The following TRAPPC9 variants were observed in gnomAD, a reference collection of about 807,000 sequenced individuals.
TRAPPC9 encodes trafficking protein particle complex subunit 9.
In TRAPPC9, 83 loss-of-function variants were observed where a neutral mutation model predicts 124.0. The observed-to-expected ratio is 0.67, with a 90% confidence interval of 0.56 to 0.80. The LOEUF (loss-of-function observed/expected upper bound fraction) is 0.80. Among genes scored for constraint, TRAPPC9 ranks in the 30% least tolerant of loss-of-function variants. The pLI, the probability that TRAPPC9 is intolerant of heterozygous loss-of-function variation, is 0.00. For synonymous variants in TRAPPC9, 638 were observed against 617.5 expected (o/e 1.03, Z -0.49); for missense variants, 1,302 against 1,508.3 (o/e 0.86, Z 2.27).
intron 18 of TRAPPC9, among the ~76,000 whole-genome samples, chr8:140,023,636 G>C (rs1839945655): frequency 6.6e-6 from 1 of 152,202 alleles, no homozygotes; most frequent in Non-Finnish European, 1.5e-5. Context: ...GCCAGGCCAG[G>C]CTGGGCGGGA....
At chr8:139,764,562 G>T (rs1200345149) in intron 21 of TRAPPC9, among the ~76,000 whole-genome samples, 1 of 152,168 alleles carries the variant, frequency 6.6e-6, no homozygotes, top group Non-Finnish European at 1.5e-5. Flanking sequence ...GTGAGACACG[G>T]GTTCAGCTGA....
chr8:139,793,993 G>C (rs1047375528), intron 21 of TRAPPC9, among the ~76,000 whole-genome samples: 1 of 151,964 alleles, frequency 6.6e-6, no homozygotes, highest in East Asian at 1.9e-4. Context: ...GCATGCTTGG[G>C]GCTTCAGCCA....
At chr8:140,189,549 A>G (rs1461943654) in intron 17 of TRAPPC9, among the ~76,000 whole-genome samples, 1 of 152,216 alleles carries the variant, frequency 6.6e-6, no homozygotes, top group Non-Finnish European at 1.5e-5. Context: ...GACGGCTCCT[A>G]AGGTCTGATT....
chr8:139,845,036 G>A (rs1009899739), intron 21 of TRAPPC9, among the ~76,000 whole-genome samples: 8 of 152,272 alleles, frequency 5.3e-5, no homozygotes, highest in South Asian at 2.1e-4. Context: ...AGCCCTGCCC[G>A]GATTCATCGT....
At chr8:140,424,804 C>T (rs1302397863) in intron 5 of TRAPPC9, among the ~76,000 whole-genome samples, 3 of 151,998 alleles carry the variant, frequency 2.0e-5, no homozygotes, top group African/African-American at 4.8e-5. Context: ...GAGGAGCCCC[C>T]GAAAACCGTG....
intron 16 of TRAPPC9, among the ~76,000 whole-genome samples, chr8:140,230,890 C>T (rs943372822): frequency 6.6e-6 from 1 of 152,146 alleles, no homozygotes; most frequent in African/African-American, 2.4e-5. Flanking sequence ...CCCTCTTCTG[C>T]GGAAATCATC....
chr8:139,845,546 G>C (rs372443865), intron 21 of TRAPPC9, among the ~76,000 whole-genome samples: 4 of 152,330 alleles, frequency 2.6e-5, no homozygotes, highest in Admixed American at 6.5e-5. Flanking sequence ...GACTAAGTCT[G>C]GCCAAGGGAT....
intron 9 of TRAPPC9, among the ~76,000 whole-genome samples, chr8:140,349,451 G>C (rs1272727911): frequency 1.3e-5 from 2 of 150,522 alleles, no homozygotes; most frequent in Admixed American, 1.3e-4. Flanking sequence ...GCGAGGGAAG[G>C]GCACACAGGG....
intron 15 of TRAPPC9, among the ~76,000 whole-genome samples, chr8:140,259,404 C>T (rs142344667): frequency 1.6e-3 from 245 of 152,280 alleles, no homozygotes; most frequent in African/African-American, 5.6e-3. Flanking sequence ...CAGACCTTGC[C>T]TTTGAACCTC....
At chr8:139,847,657 G>A (rs551537824) in intron 21 of TRAPPC9, among the ~76,000 whole-genome samples, 1 of 151,934 alleles carries the variant, frequency 6.6e-6, no homozygotes, top group South Asian at 2.1e-4. Flanking sequence ...CGATGGCCTG[G>A]CCTGGGGATG....
intron 21 of TRAPPC9, among the ~76,000 whole-genome samples, chr8:139,809,712 C>T (rs1332693021): frequency 6.6e-6 from 1 of 152,132 alleles, no homozygotes; most frequent in Non-Finnish European, 1.5e-5. Flanking sequence ...ACAGCCAGCA[C>T]AGCCCTGCCG....
intron 17 of TRAPPC9, among the ~76,000 whole-genome samples, chr8:140,125,533 G>C (rs2061076224): frequency 6.6e-6 from 1 of 151,336 alleles, no homozygotes; most frequent in African/African-American, 2.4e-5. Flanking sequence ...CAGGGGACCT[G>C]TGGGTGACGG....
chr8:139,923,879 T>C (rs1832655172), intron 19 of TRAPPC9, among the ~76,000 whole-genome samples: 1 of 152,234 alleles, frequency 6.6e-6, no homozygotes, highest in African/African-American at 2.4e-5. Flanking sequence ...TAGCTATTAG[T>C]TTAAAAATGC....
At chr8:140,054,942 G>A (rs1842213877) in intron 17 of TRAPPC9, among the ~76,000 whole-genome samples, 1 of 152,148 alleles carries the variant, frequency 6.6e-6, no homozygotes, top group Non-Finnish European at 1.5e-5. Flanking sequence ...AGGACCAGAT[G>A]GCTTCACTGG....
At chr8:140,068,958 G>C (rs1310258454) in intron 17 of TRAPPC9, among the ~76,000 whole-genome samples, 1 of 152,158 alleles carries the variant, frequency 6.6e-6, no homozygotes, top group African/African-American at 2.4e-5. Flanking sequence ...AACACAAGAA[G>C]GAAAAGATTT....
intron 16 of TRAPPC9, among the ~76,000 whole-genome samples, chr8:140,232,901 T>C (rs2063634005): frequency 6.6e-6 from 1 of 152,186 alleles, no homozygotes; most frequent in Admixed American, 6.5e-5. Context: ...GGAAGAATGG[T>C]GGTTTCCCAA....
In TRAPPC9 at chr8:139,854,370, G is replaced by A. The variant is rs557731428; in HGVS notation, c.3055+31509C>T. 2.6e-5 allele frequency among the ~76,000 whole-genome samples: 4 copies of A among 152,364 alleles called. No homozygotes were observed. The South Asian group carries it at 6.2e-4, about 24-fold the overall frequency. ...CGCTTTTAGTACAGGAAAGAGGCAG[G>A]AGCCCACGCTGGGGCAGGCCTCACT... is the stretch of plus-strand genomic sequence containing the variant. On this transcript the variant is annotated intron_variant, in intron 21 of 22. Transcript: ENST00000438773.
chr8:139,854,335 C>T (rs1827672747), intron 21 of TRAPPC9, among the ~76,000 whole-genome samples: 1 of 152,226 alleles, frequency 6.6e-6, no homozygotes, highest in Non-Finnish European at 1.5e-5. Flanking sequence ...ACAGACGCTG[C>T]CATGAATGAC....
rs1363121741 is a variant in TRAPPC9, at chr8:139,742,614, G to A, written c.3056-10412C>T. Among the ~76,000 whole-genome samples, 2 of 152,164 alleles carry A rather than the reference G, an allele frequency of 1.3e-5. No homozygotes were observed. Among genetic ancestry groups the A allele is most frequent in the Admixed American group, 6.5e-5 (1 of 15,280 alleles). ...CTATGGACCCAGAACACGGCCACGG[G>A]CAGAGGCAGGATGGACTCAGGAGTT... On this transcript the variant is annotated intron_variant, in intron 21 of 22. Transcript: ENST00000438773. The surrounding 1 kb of genome is among the most constrained non-coding windows in gnomAD (Gnocchi z 4.7).
Sources: allele counts gnomAD v4.1 joint callset (sites outside exome capture counted in the v4.1 genomes callset), GRCh38; gene constraint gnomAD v4.1.1; non-coding constraint Gnocchi (gnomAD v3.1); transcripts MANE v1.5; gene names NCBI Gene and HGNC (gene_info 2026-07-23, HGNC 2026-07-21).